The following KMT2C variants were observed in gnomAD, a reference collection of about 807,000 sequenced individuals.
KMT2C encodes the protein histone-lysine N-methyltransferase 2C.
In KMT2C, 88 loss-of-function variants were observed where a neutral mutation model predicts 507.9. The observed-to-expected ratio is 0.17, with a 90% CI of 0.15 to 0.21. KMT2C has a LOEUF of 0.21. Ranked by LOEUF, KMT2C falls within the 10% of genes least tolerant of loss-of-function variation. The pLI, the probability that KMT2C is intolerant of heterozygous loss-of-function variation, is 1.00. For synonymous variants in KMT2C, 2,049 were observed against 2,080.8 expected, an observed-to-expected ratio of 0.98 and a Z score of 0.42; for missense variants, 4,954 against 5,957.8, an observed-to-expected ratio of 0.83 and a Z score of 5.55.
chr7:152,139,768 T>C lies in KMT2C; in HGVS notation c.14367A>G (p.Arg4789=), dbSNP rs2129089921. The change falls in exon 56 of 59, where the codon CGA becomes CGG. Residue 4789 remains arginine (R), a synonymous_variant. Transcript: ENST00000262189. ...TGACCATGGTGTGTTTCTCAATGTCTCGAGCAGCATACAGGCCCAGCCCCT... is the reference window on the plus strand; with the variant it reads ...TGACCATGGTGTGTTTCTCAATGTCCCGAGCAGCATACAGGCCCAGCCCCT... ...RIQGLGLYAA[R]DIEKHTMVIE... 1 of 1,614,044 alleles carries C rather than the reference T, an allele frequency of 6.2e-7. No individual in the cohort carries two copies. The highest frequency in any genetic ancestry group is 8.5e-7 in the Non-Finnish European group (1 of 1,179,936).
chr7:152,422,948 C>T (rs549171397), intron 1 of KMT2C, among the ~76,000 whole-genome samples: 20 of 150,204 alleles, frequency 1.3e-4, no homozygotes, highest in Middle Eastern at 3.4e-3. Flanking sequence ...ACCCGGGAGG[C>T]GGAGCTTACA....
At chr7:152,196,623 G>A (rs2093971188) in intron 27 of KMT2C, among the ~76,000 whole-genome samples, 3 of 152,336 alleles carry the variant, frequency 2.0e-5, no homozygotes, top group South Asian at 4.1e-4. Flanking sequence ...CCCTCAGAGG[G>A]CTTACTTTCT....
At chr7:152,149,264 G>A in intron 51 of KMT2C, 112 bp from the exon 52 acceptor site, 1 of 986,590 alleles carries the variant, frequency 1.0e-6, no homozygotes, top group Non-Finnish European at 1.4e-6. Context: ...GGTGACCTGA[G>A]GGGCAGAGGG....
chr7:152,150,224 G>A lies in KMT2C; in HGVS notation c.12774+676C>T, dbSNP rs73730359. 8.3e-3 allele frequency among the ~76,000 whole-genome samples: 1,260 copies of A among 152,300 alleles called. 16 individuals are homozygous for A. The highest frequency in any genetic ancestry group is 0.029 in the African/African-American group (1,207 of 41,554). Reference sequence around the variant, plus strand: ...AAGCAGACCTCTTTCACCATACTGTGAGCAAAGTGTTTTCTCTTAAAATGC... The same window carrying A: ...AAGCAGACCTCTTTCACCATACTGTAAGCAAAGTGTTTTCTCTTAAAATGC... On this transcript the variant is annotated intron_variant, in intron 51 of 58. Coordinates refer to ENST00000262189, the MANE Select transcript of KMT2C (RefSeq NM_170606.3).
intron 44 of KMT2C, among the ~76,000 whole-genome samples, chr7:152,158,087 CCT>C (rs2092191851): frequency 6.6e-6 from 1 of 152,150 alleles, no homozygotes; most frequent in East Asian, 1.9e-4. Context: ...AGACTACAGA[CCT>C]TTGAGACTTA....
At chr7:152,422,459 G>GA (rs59480101) in intron 1 of KMT2C, among the ~76,000 whole-genome samples, 30 of 148,772 alleles carry the variant, frequency 2.0e-4, no homozygotes, top group Non-Finnish European at 3.9e-4. Context: ...GTCTCAAAAA[G>GA]AAAAAAAAAG....
intron 7 of KMT2C, among the ~76,000 whole-genome samples, chr7:152,269,773 A>G (rs2095926597): frequency 6.6e-6 from 1 of 152,204 alleles, no homozygotes; most frequent in Admixed American, 6.5e-5. Context: ...GCATAAGATG[A>G]AGCTAAATGA....
At chr7:152,385,951 G>T (rs2116505419) in intron 1 of KMT2C, among the ~76,000 whole-genome samples, 1 of 151,766 alleles carries the variant, frequency 6.6e-6, no homozygotes, top group Non-Finnish European at 1.5e-5. Context: ...AGCCTGGCGT[G>T]GTAGCACTCA....
intron 1 of KMT2C, among the ~76,000 whole-genome samples, chr7:152,381,375 G>A (rs957025903): frequency 2.6e-5 from 4 of 152,024 alleles, no homozygotes; most frequent in African/African-American, 7.2e-5. Flanking sequence ...GAGGGGTGCG[G>A]GTGTGCTACT....
chr7:152,209,090 C>T (rs1159011306), intron 23 of KMT2C, among the ~76,000 whole-genome samples: 10 of 148,750 alleles, frequency 6.7e-5, no homozygotes, highest in South Asian at 2.1e-4. Context: ...ACCTGGGAGG[C>T]GGAGGTTTCA....
rs74483926 is a variant in KMT2C, at chr7:152,162,598, G to A, written c.10979C>T (p.Ser3660Leu). The change falls in exon 43 of 59, where the codon TCG (serine) becomes TTG (leucine). Residue 3660 changes from serine to leucine, a missense_variant. Physicochemically the swap from Ser to Leu is moderately radical, Grantham distance 145. This residue lies in a region of KMT2C where 801 missense variants were observed against 751.2 expected (regional missense o/e 1.07). Transcript: ENST00000262189. ...SELPQQADQE[S>L]VEPVGPSTPN... ...AGTGGATGGGCCGACTGGTTCCACCGACTCTTGGTCGGCTTGTTGAGGAAG... is the reference window on the plus strand; with the variant it reads ...AGTGGATGGGCCGACTGGTTCCACCAACTCTTGGTCGGCTTGTTGAGGAAG... 71,744 of 1,614,162 alleles carry A rather than the reference G, an allele frequency of 0.044. 2,196 individuals are homozygous for A. Among genetic ancestry groups the A allele is most frequent in the East Asian group, 0.17 (7,695 of 44,876 alleles).
chr7:152,426,878 T>C (rs2097824302), intron 1 of KMT2C, among the ~76,000 whole-genome samples: 1 of 152,238 alleles, frequency 6.6e-6, no homozygotes, highest in Non-Finnish European at 1.5e-5. Context: ...GTCTAGGCTC[T>C]ATAATCAGTG....
chr7:152,349,392 C>T (rs1301529574), intron 2 of KMT2C, among the ~76,000 whole-genome samples: 4 of 150,286 alleles, frequency 2.7e-5, no homozygotes, highest in South Asian at 2.1e-4. Flanking sequence ...TGCAGTGGGC[C>T]AAGATCACAC....
chr7:152,263,000 T>C lies in KMT2C; in HGVS notation c.1299+16A>G, dbSNP rs1239697939. 1.3e-6 allele frequency: 2 copies of C among 1,576,452 alleles called. No individual in the cohort carries two copies. Among genetic ancestry groups the C allele is most frequent in the East Asian group, 4.5e-5 (2 of 44,580 alleles). ...CATAGAGAGGATTTAAAAAAATAAA[T>C]AAATAAACAACTTACTTTGCATTTC... On this transcript the variant is annotated intron_variant, in intron 9 of 58. Coordinates refer to ENST00000262189, the MANE Select transcript of KMT2C (RefSeq NM_170606.3).
chr7:152,209,662 C>A (rs2094406853), intron 23 of KMT2C, among the ~76,000 whole-genome samples: 1 of 150,718 alleles, frequency 6.6e-6, no homozygotes, highest in Admixed American at 6.6e-5. Flanking sequence ...ATTGCTTGAG[C>A]CCAGAAGGTT....
chr7:152,344,773 G>C (rs1309294931), intron 2 of KMT2C, among the ~76,000 whole-genome samples: 1 of 151,912 alleles, frequency 6.6e-6, no homozygotes, highest in Non-Finnish European at 1.5e-5. Flanking sequence ...AGATCACAAG[G>C]TCAGGAGATC....
At chr7:152,170,360 T>C (rs545333709) in intron 40 of KMT2C, among the ~76,000 whole-genome samples, 1 of 149,460 alleles carries the variant, frequency 6.7e-6, no homozygotes, top group Non-Finnish European at 1.5e-5. Context: ...GCTCCCTTTA[T>C]AAAAAAAAAA....
chr7:152,354,317 T>C (rs907571938), intron 2 of KMT2C, among the ~76,000 whole-genome samples: 1 of 152,060 alleles, frequency 6.6e-6, no homozygotes, highest in Non-Finnish European at 1.5e-5. Flanking sequence ...CCAAGAATGG[T>C]AGGTAGCTTA....
intron 1 of KMT2C, among the ~76,000 whole-genome samples, chr7:152,417,902 A>G (rs2097755089): frequency 6.7e-6 from 1 of 148,748 alleles, no homozygotes; most frequent in African/African-American, 2.5e-5. Flanking sequence ...TCGGCCTCCC[A>G]AAGTGCTGGG....
Sources: allele counts gnomAD v4.1 joint callset (sites outside exome capture counted in the v4.1 genomes callset), GRCh38; gene constraint gnomAD v4.1.1; regional missense constraint gnomAD v4.1.1; transcripts MANE v1.5; gene names NCBI Gene and HGNC (gene_info 2026-07-23, HGNC 2026-07-21).